The following CA10 variants were observed in gnomAD, a reference collection of about 807,000 sequenced individuals.
CA10 encodes carbonic anhydrase-related protein 10.
A neutral mutation model predicts 44.2 loss-of-function variants in CA10; 14 were observed. The observed-to-expected ratio is 0.32, with a 90% confidence interval of 0.21 to 0.50. The LOEUF is 0.50. Ranked by LOEUF, CA10 falls within the 20% of genes least tolerant of loss-of-function variation. The pLI is 0.99. For synonymous variants in CA10, 159 were observed against 141.6 expected, an observed-to-expected ratio of 1.12 and a Z score of -0.87; for missense variants, 350 against 409.7, an observed-to-expected ratio of 0.85 and a Z score of 1.26.
At chr17:51,860,686 T>C (rs1979263475) in intron 3 of CA10, among the ~76,000 whole-genome samples, 1 of 152,200 alleles carries the variant, frequency 6.6e-6, no homozygotes, top group Non-Finnish European at 1.5e-5. Flanking sequence ...GCCAGTAACA[T>C]ATAATATATA....
chr17:51,742,810 G>A (rs1203068475), intron 4 of CA10, among the ~76,000 whole-genome samples: 1 of 152,218 alleles, frequency 6.6e-6, no homozygotes, highest in Non-Finnish European at 1.5e-5. Context: ...GAGGCTGAGA[G>A]CTAGCAAGGT....
chr17:52,085,175 T>C (rs1988085517), intron 1 of CA10, among the ~76,000 whole-genome samples: 2 of 152,220 alleles, frequency 1.3e-5, no homozygotes, highest in Admixed American at 6.5e-5. Flanking sequence ...AGACATTGAC[T>C]CTACTTCTGC....
At chr17:52,093,916 TAAGTTGGA>T (rs1988334720) in intron 1 of CA10, among the ~76,000 whole-genome samples, 1 of 151,900 alleles carries the variant, frequency 6.6e-6, no homozygotes, top group Non-Finnish European at 1.5e-5. Context: ...ATTCATCTGG[TAAGTTGGA>T]AAGCTGGGGC....
intron 3 of CA10, among the ~76,000 whole-genome samples, chr17:51,821,339 TCAATATTGAACGACC>T (rs1022384648): frequency 6.6e-6 from 1 of 151,708 alleles, no homozygotes; most frequent in Non-Finnish European, 1.5e-5. Flanking sequence ...AGAGGGAAAG[TCAATATTGAACGACC>T]ATCCACTAAA....
intron 2 of CA10, among the ~76,000 whole-genome samples, chr17:51,964,619 C>A (rs1305966124): frequency 6.6e-6 from 1 of 151,502 alleles, no homozygotes; most frequent in African/African-American, 2.4e-5. Flanking sequence ...CTGCCCCCAA[C>A]AGCACAATTA....
intron 4 of CA10, among the ~76,000 whole-genome samples, chr17:51,707,192 G>A (rs554934868): frequency 4.6e-5 from 7 of 152,062 alleles, no homozygotes; most frequent in Admixed American, 2.0e-4. Context: ...CACTTCTTGG[G>A]GTGAAGCCTT....
intron 3 of CA10, among the ~76,000 whole-genome samples, chr17:51,877,352 A>G (rs946156717): frequency 1.5e-4 from 23 of 152,238 alleles, no homozygotes; most frequent in African/African-American, 4.6e-4. Context: ...TCAAATTACT[A>G]TGTGATAGAC....
chr17:51,808,371 AAT>A (rs143768832), intron 3 of CA10, among the ~76,000 whole-genome samples: 2,024 of 152,310 alleles, frequency 0.013, 56 homozygotes, highest in African/African-American at 0.046. Flanking sequence ...AACCTATACC[AAT>A]AGAGTTTGGA....
intron 1 of CA10, among the ~76,000 whole-genome samples, chr17:52,120,301 C>A (rs559719932): frequency 1.3e-5 from 2 of 152,262 alleles, no homozygotes; most frequent in South Asian, 4.2e-4. Flanking sequence ...CTTTGATGAT[C>A]ACCCCTTTTA....
intron 1 of CA10, among the ~76,000 whole-genome samples, chr17:52,138,972 C>G (rs954150603): frequency 7.9e-5 from 12 of 152,190 alleles, no homozygotes; most frequent in African/African-American, 2.7e-4. Context: ...AAAATTGGAA[C>G]AGCAGACAAT....
chr17:51,922,890 C>T (rs560627010), intron 3 of CA10, among the ~76,000 whole-genome samples: 1 of 152,244 alleles, frequency 6.6e-6, no homozygotes, highest in East Asian at 1.9e-4. Context: ...ACTGTCCACT[C>T]CACATCACTA....
intron 2 of CA10, among the ~76,000 whole-genome samples, chr17:52,038,446 C>T (rs1176586083): frequency 6.6e-6 from 1 of 152,148 alleles, no homozygotes; most frequent in East Asian, 1.9e-4. Context: ...TCTTACAATA[C>T]TTCAGGATTC....
chr17:51,767,842 A>T (rs994612965), intron 3 of CA10, among the ~76,000 whole-genome samples: 8 of 151,798 alleles, frequency 5.3e-5, no homozygotes, highest in Admixed American at 5.3e-4. Flanking sequence ...ATGCTTAGTT[A>T]ATAATAGGGT....
At chr17:52,135,895 A>G (rs187819025) in intron 1 of CA10, among the ~76,000 whole-genome samples, 20 of 152,300 alleles carry the variant, frequency 1.3e-4, no homozygotes, top group African/African-American at 3.6e-4. Flanking sequence ...GTTGTTAAAC[A>G]TGGCTGTTTA....
rs1264533054 is a variant in CA10 at position 52,157,888 on chromosome 17, C to G, written c.-102G>C. ...ATACACACTCGCACACACTTCCGAG[C>G]GAGTGCACACTCGCACTCCCACCCG... On this transcript the variant is annotated 5_prime_UTR_variant, in exon 1 of 9. Transcript: ENST00000451037. The G allele has an allele frequency of 4.4e-6, 4 of 914,740 alleles. No homozygotes were observed. Among genetic ancestry groups the G allele is most frequent in the Non-Finnish European group, 7.3e-6 (4 of 548,274 alleles). The allele number at this position is 914,740 out of a possible 1,614,324, so 56.7% of individuals were successfully genotyped here. A position where few individuals can be genotyped will look rare whatever the true frequency, so the allele number is the denominator to read the frequency against.
intron 2 of CA10, among the ~76,000 whole-genome samples, chr17:51,939,198 T>C (rs1384206631): frequency 6.6e-6 from 1 of 152,140 alleles, no homozygotes; most frequent in East Asian, 1.9e-4. Flanking sequence ...AGTAACATTA[T>C]GCCATGGATG....
At chr17:51,917,549 G>A (rs1314865844) in intron 3 of CA10, among the ~76,000 whole-genome samples, 2 of 152,208 alleles carry the variant, frequency 1.3e-5, no homozygotes, top group Non-Finnish European at 2.9e-5. Context: ...CATGGCACTG[G>A]CATCTGCTTA....
At chr17:51,823,532 A>G (rs967339002) in intron 3 of CA10, among the ~76,000 whole-genome samples, 5 of 152,254 alleles carry the variant, frequency 3.3e-5, no homozygotes, top group Admixed American at 6.5e-5. Flanking sequence ...GGGAAGGAAC[A>G]GGATGAAGCC....
chr17:51,677,877 A>G (rs944732916), intron 4 of CA10, among the ~76,000 whole-genome samples: 3 of 87,792 alleles, frequency 3.4e-5, no homozygotes, highest in Non-Finnish European at 4.9e-5. Context: ...TGCCACTCCT[A>G]GGTATACACC....
Sources: allele counts gnomAD v4.1 joint callset (sites outside exome capture counted in the v4.1 genomes callset), GRCh38; gene constraint gnomAD v4.1.1; transcripts MANE v1.5; gene names NCBI Gene and HGNC (gene_info 2026-07-23, HGNC 2026-07-21).